The following NBAS variants were observed in gnomAD, a reference collection of about 807,000 sequenced individuals.
The protein encoded by NBAS is NAG/BC035112 fusion.
In NBAS, 219 loss-of-function variants were observed where a neutral mutation model predicts 302.5. The ratio of observed to expected loss-of-function variants is 0.72; its 90% confidence interval spans 0.65 to 0.81. The LOEUF (loss-of-function observed/expected upper bound fraction) is 0.81. Among genes scored for constraint, NBAS ranks in the 30% least tolerant of loss-of-function variants. The pLI is 0.00. For missense variants in NBAS, 2,932 were observed against 2,841.6 expected (o/e 1.03, Z -0.72); for synonymous variants, 1,118 against 1,021.6 (o/e 1.09, Z -1.80).
the NBAS span, among the ~76,000 whole-genome samples, chr2:14,960,267 T>C: frequency 0.84 from 127,189 of 152,196 alleles, 53,490 homozygotes; most frequent in African/African-American, 0.93. Flanking sequence ...TACTCCTCAC[T>C]GCTATCTACT....
intron 28 of NBAS, among the ~76,000 whole-genome samples, chr2:15,392,820 G>A (rs1421335007): frequency 6.6e-6 from 1 of 151,338 alleles, no homozygotes; most frequent in South Asian, 2.1e-4. Context: ...CAACTTTGGG[G>A]GAAAAAAAAC....
At chr2:15,513,627 A>C (rs1221859641) in intron 9 of NBAS, among the ~76,000 whole-genome samples, 1 of 151,242 alleles carries the variant, frequency 6.6e-6, no homozygotes, top group African/African-American at 2.4e-5. Context: ...TTCAGAACCC[A>C]CACACACATA....
chr2:14,960,962 C>T, the NBAS span, among the ~76,000 whole-genome samples: 9 of 151,974 alleles, frequency 5.9e-5, no homozygotes, highest in South Asian at 2.1e-4. Context: ...AGCAAGTCAC[C>T]CTGACAGCAG....
intron 10 of NBAS, 70 bp downstream of exon 10, chr2:15,511,142 T>A: frequency 6.4e-7 from 1 of 1,560,264 alleles, no homozygotes; most frequent in Non-Finnish European, 8.8e-7. Flanking sequence ...TACAAAGGAC[T>A]TATTTGTCTA....
rs544328374 is a variant in NBAS at position 15,374,521 on chromosome 2, C to A, written c.3703+87G>T. The A allele has an allele frequency of 2.3e-4, 254 of 1,117,064 alleles. 3 individuals are homozygous for A. In the South Asian group the frequency reaches 3.0e-3, roughly 13 times the overall value. The allele number at this position is 1,117,064 out of a possible 1,614,324, so 69.2% of individuals were successfully genotyped here. A position where few individuals can be genotyped will look rare whatever the true frequency, so the allele number is the denominator to read the frequency against. ...CTAATGGATTACATGACCAAAGCTA[C>A]TCTTTAGTTTTAAAAACTAAAAAAG... On this transcript the variant is annotated intron_variant, in intron 31 of 51. Transcript: ENST00000281513.
chr2:15,406,399 C>T (rs1285565110), intron 25 of NBAS, among the ~76,000 whole-genome samples: 1 of 151,956 alleles, frequency 6.6e-6, no homozygotes, highest in Non-Finnish European at 1.5e-5. Context: ...CCATGTCTCA[C>T]AATACAAAAG....
the NBAS span, among the ~76,000 whole-genome samples, chr2:15,088,110 G>C: frequency 6.6e-6 from 1 of 152,210 alleles, no homozygotes; most frequent in Non-Finnish European, 1.5e-5. Context: ...TAGAGAAGGA[G>C]AGGCTGGGTG....
chr2:15,029,937 T>C, the NBAS span, among the ~76,000 whole-genome samples: 1 of 152,192 alleles, frequency 6.6e-6, no homozygotes, highest in African/African-American at 2.4e-5. Flanking sequence ...ATATTTGCAG[T>C]GTTTTCTCAA....
intron 47 of NBAS, among the ~76,000 whole-genome samples, chr2:15,221,541 G>T (rs1666948705): frequency 6.6e-6 from 1 of 152,148 alleles, no homozygotes; most frequent in Admixed American, 6.5e-5. Context: ...CCATGGAACG[G>T]CAAGACTTTA....
intron 11 of NBAS, among the ~76,000 whole-genome samples, chr2:15,491,519 G>A (rs1054273036): frequency 5.9e-5 from 9 of 152,204 alleles, no homozygotes; most frequent in East Asian, 3.9e-4. Flanking sequence ...GGCACATCAC[G>A]AGGTCAGGAG....
chr2:14,969,848 G>T, the NBAS span, among the ~76,000 whole-genome samples: 1 of 151,342 alleles, frequency 6.6e-6, no homozygotes, highest in African/African-American at 2.5e-5. Flanking sequence ...TTCGGGTGGT[G>T]GGGGGGATGG....
intron 21 of NBAS, among the ~76,000 whole-genome samples, chr2:15,460,650 T>A (rs1679464493): frequency 6.6e-6 from 1 of 152,242 alleles, no homozygotes; most frequent in Non-Finnish European, 1.5e-5. Context: ...AGGGACTCAA[T>A]GGTTCCAACA....
At chr2:15,198,401 GA>G (rs1478167487) in intron 48 of NBAS, among the ~76,000 whole-genome samples, 1 of 152,186 alleles carries the variant, frequency 6.6e-6, no homozygotes, top group East Asian at 1.9e-4. Flanking sequence ...TCAGGAAGGG[GA>G]CAAGGTGGCA....
At chr2:15,550,203 GT>G (rs1228826138) in intron 6 of NBAS, among the ~76,000 whole-genome samples, 1 of 152,080 alleles carries the variant, frequency 6.6e-6, no homozygotes, top group African/African-American at 2.4e-5. Flanking sequence ...CCATGAGGGA[GT>G]GGGGGAATCT....
chr2:15,475,618 T>A, intron 14 of NBAS, 69 bp downstream of exon 14: 1 of 1,424,986 alleles, frequency 7.0e-7, no homozygotes, highest in Non-Finnish European at 9.8e-7. Context: ...ACAACTCAAA[T>A]AAAAACCAGA....
chr2:15,522,630 T>C (rs1662726523), intron 9 of NBAS, among the ~76,000 whole-genome samples: 1 of 152,038 alleles, frequency 6.6e-6, no homozygotes, highest in Non-Finnish European at 1.5e-5. Context: ...ATAGAATAGG[T>C]AAGGGAAAAA....
intron 31 of NBAS, among the ~76,000 whole-genome samples, chr2:15,370,185 G>C (rs1388633070): frequency 6.6e-6 from 1 of 152,108 alleles, no homozygotes; most frequent in Non-Finnish European, 1.5e-5. Context: ...TTGAATCCTG[G>C]CTCCACCTCT....
intron 9 of NBAS, among the ~76,000 whole-genome samples, chr2:15,515,413 C>T (rs1186467773): frequency 2.6e-5 from 4 of 152,100 alleles, no homozygotes; most frequent in South Asian, 2.1e-4. Flanking sequence ...ATTACTTGGG[C>T]GTGGTGGTGC....
chr2:14,848,522 C>A, the NBAS span, among the ~76,000 whole-genome samples: 1 of 144,210 alleles, frequency 6.9e-6, no homozygotes, highest in Non-Finnish European at 1.5e-5. Flanking sequence ...CATTGCCCAG[C>A]CTTGCTTAGG....
Sources: allele counts gnomAD v4.1 joint callset (sites outside exome capture counted in the v4.1 genomes callset), GRCh38; gene constraint gnomAD v4.1.1; transcripts MANE v1.5; gene names NCBI Gene and HGNC (gene_info 2026-07-23, HGNC 2026-07-21).